Variants in IDH1 observed in about 807,000 individuals in gnomAD.
IDH1 encodes isocitrate dehydrogenase (NADP(+)) 1.
Under a neutral mutation model 46.1 loss-of-function variants are expected in IDH1, and 33 were observed. The observed-to-expected ratio is 0.72, with a 90% confidence interval of 0.54 to 0.96. The LOEUF (loss-of-function observed/expected upper bound fraction) is 0.96, where lower values mean the gene tolerates loss of function less well. Ranked by LOEUF, IDH1 falls within the 40% of genes least tolerant of loss-of-function variation. The probability of loss-of-function intolerance (pLI) is 0.00; values close to 1 mark genes in which losing one functional copy is unlikely to be tolerated. For missense variants in IDH1, 421 were observed against 515.7 expected (o/e 0.82, Z 1.78); for synonymous variants, 144 against 172.8 (o/e 0.83, Z 1.31).
rs1292727156 is a variant in IDH1 at position 208,245,309 on chromosome 2, T to G, written c.520+10A>C. 3.7e-6 allele frequency: 5 copies of G among 1,357,444 alleles called. No individual in the cohort carries two copies. Among genetic ancestry groups the G allele is most frequent in the Non-Finnish European group, 5.3e-6 (5 of 947,472 alleles). The allele number at this position is 1,357,444 out of a possible 1,614,324, so 84.1% of individuals were successfully genotyped here. ...AAAAAAAAAGAAGCTTATGCTACAGTCATACATACCTTCAAAGTTATGTAC... is the reference window on the plus strand; with the variant it reads ...AAAAAAAAAGAAGCTTATGCTACAGGCATACATACCTTCAAAGTTATGTAC... On this transcript the variant is annotated intron_variant, in intron 5 of 9. Coordinates refer to ENST00000345146, the MANE Select transcript of IDH1 (RefSeq NM_005896.4).
chr2:208,250,560 T>A (rs2124866736), intron 3 of IDH1, among the ~76,000 whole-genome samples: 1 of 152,352 alleles, frequency 6.6e-6, no homozygotes, highest in African/African-American at 2.4e-5. Context: ...TGAAACGTGT[T>A]GCTCAATATT....
At chr2:208,237,374 T>C (rs573083781) in intron 9 of IDH1, among the ~76,000 whole-genome samples, 1 of 91,334 alleles carries the variant, frequency 1.1e-5, no homozygotes, top group Non-Finnish European at 2.2e-5. Context: ...TCAGGCTCTC[T>C]AGGCAACCGG....
At chr2:208,239,764 G>T in intron 8 of IDH1, 99 bp downstream of exon 8, 1 of 1,118,244 alleles carries the variant, frequency 8.9e-7, no homozygotes, top group Non-Finnish European at 1.4e-6. Flanking sequence ...GCTACTTGGT[G>T]ATGACTTTGC....
chr2:208,239,509 T>C (rs886079389), intron 8 of IDH1, among the ~76,000 whole-genome samples: 1 of 152,228 alleles, frequency 6.6e-6, no homozygotes, highest in African/African-American at 2.4e-5. Context: ...CTTGTCTATA[T>C]TGGTCTCCTT....
chr2:208,242,938 G>A (rs747115787), intron 6 of IDH1, among the ~76,000 whole-genome samples: 19 of 151,736 alleles, frequency 1.3e-4, no homozygotes, highest in Non-Finnish European at 2.4e-4. Flanking sequence ...CTAATTTTTG[G>A]TATTTTTAGT....
chr2:208,252,670 A>C (rs1330315823), intron 2 of IDH1, among the ~76,000 whole-genome samples: 1 of 152,250 alleles, frequency 6.6e-6, no homozygotes, highest in East Asian at 1.9e-4. Flanking sequence ...TTAGATAAGA[A>C]GCCTAAAATA....
At chr2:208,247,850 G>T in intron 4 of IDH1, 2 of 165,410 alleles carry the variant, frequency 1.2e-5, no homozygotes, top group East Asian at 1.8e-4. Context: ...ACAATCTTTG[G>T]TGGTTCTCAA....
intron 4 of IDH1, chr2:208,247,435 G>GTTT: frequency 6.7e-6 from 1 of 149,698 alleles, no homozygotes; most frequent in Non-Finnish European, 1.5e-5. Context: ...TACCGAGTCA[G>GTTT]TTTTTTTTTT....
At position 208,236,970 on chromosome 2, in the gene IDH1, CA is replaced by C; in HGVS notation, c.*108del. On this transcript the variant is annotated 3_prime_UTR_variant, in exon 10 of 10. Transcript: ENST00000345146. Reference sequence around the variant, plus strand: ...GAAAAGATAAACTCTGGCTTCTAAACAAATTACAAAATTGATTTTGCCTTTA... The same window carrying C: ...GAAAAGATAAACTCTGGCTTCTAAACAATTACAAAATTGATTTTGCCTTTA... 1.5e-6 allele frequency: 1 copy of C among 686,882 alleles called. No individual in the cohort carries two copies. Among genetic ancestry groups the C allele is most frequent in the South Asian group, 1.7e-5 (1 of 60,218 alleles). The allele number at this position is 686,882 out of a possible 1,614,324, so 42.5% of individuals were successfully genotyped here.
At chr2:208,254,439 T>C (rs902641032) in intron 1 of IDH1, 6 of 151,922 alleles carry the variant, frequency 3.9e-5, no homozygotes, top group African/African-American at 7.3e-5. Flanking sequence ...CCGCTGGAGC[T>C]CCGCCCCTCC....
intron 6 of IDH1, 127 bp downstream of exon 6, chr2:208,243,300 C>A: frequency 1.3e-5 from 10 of 761,702 alleles, no homozygotes; most frequent in African/African-American, 1.8e-5. Flanking sequence ...TTGCCCTTAT[C>A]TTTAAGAGAC....
chr2:208,253,606 G>GA (rs1308788440), intron 2 of IDH1, among the ~76,000 whole-genome samples: 8 of 151,604 alleles, frequency 5.3e-5, no homozygotes, highest in Non-Finnish European at 1.0e-4. Flanking sequence ...GTAGTTTAAT[G>GA]AAAAAAAAGA....
chr2:208,246,802 G>C (rs1688031118), intron 4 of IDH1, among the ~76,000 whole-genome samples: 1 of 152,054 alleles, frequency 6.6e-6, no homozygotes, highest in Admixed American at 6.5e-5. Context: ...AATTAGCCGG[G>C]CATGGTAGCA....
intron 7 of IDH1, among the ~76,000 whole-genome samples, chr2:208,240,809 C>T (rs1305902287): frequency 1.3e-5 from 2 of 152,176 alleles, no homozygotes; most frequent in Non-Finnish European, 2.9e-5. Context: ...ACACTCCTTC[C>T]TCTGTTGCAT....
At chr2:208,239,302 G>T in intron 8 of IDH1, 69 bp from the exon 9 acceptor site, 1 of 1,519,100 alleles carries the variant, frequency 6.6e-7, no homozygotes, top group Non-Finnish European at 9.1e-7. Flanking sequence ...ATGTCTCATA[G>T]TTCCCCAAAA....
rs778615461 is a variant in IDH1 at position 208,237,128 on chromosome 2, T to C, written c.1196A>G (p.Asp399Gly). 5.0e-6 allele frequency: 8 copies of C among 1,610,984 alleles called. No individual in the cohort carries two copies. In the South Asian group the frequency reaches 5.5e-5, roughly 11 times the overall value. Residue 399 changes from aspartate (D) to glycine (G), a missense_variant, in exon 10 of 10, where the codon GAT becomes GGT. By Grantham distance (94) the Asp-to-Gly change is moderately conservative. Transcript: ENST00000345146. ...SDYLNTFEFM[D>G]KLGENLKIKL... Reference sequence around the variant, plus strand: ...GATCTTCAAGTTTTCTCCAAGTTTATCCATGAACTCAAATGTATTCAAGTA... The same window carrying C: ...GATCTTCAAGTTTTCTCCAAGTTTACCCATGAACTCAAATGTATTCAAGTA...
Position 208,241,977 on chromosome 2 carries a change from A to C in IDH1, c.850+17T>G. The C allele has an allele frequency of 6.2e-7, 1 of 1,611,762 alleles. No individual in the cohort carries two copies. The highest frequency in any genetic ancestry group is 2.2e-5 in the East Asian group (1 of 44,878). The stretch of plus-strand genomic sequence containing the variant: ...TGGAATGACCCTGTTCCTACAGGCC[A>C]GGCTCCACCTCTGTACCTTGGGCCA... On this transcript the variant is annotated intron_variant, in intron 7 of 9. Coordinates refer to ENST00000345146, the MANE Select transcript of IDH1 (RefSeq NM_005896.4).
At chr2:208,239,307 C>T in intron 8 of IDH1, 74 bp from the exon 9 acceptor site, 1 of 1,493,904 alleles carries the variant, frequency 6.7e-7, no homozygotes, top group East Asian at 2.3e-5. Flanking sequence ...TCATAGTTCC[C>T]CAAAACAGAA....
chr2:208,245,997 G>A (rs1688015169), intron 4 of IDH1, among the ~76,000 whole-genome samples: 1 of 152,166 alleles, frequency 6.6e-6, no homozygotes, highest in Non-Finnish European at 1.5e-5. Flanking sequence ...AGGGAACTAT[G>A]ATATAGTAGA....
Sources: gnomAD v4.1 joint callset for allele counts (sites outside exome capture counted in the v4.1 genomes callset) on GRCh38, gnomAD v4.1.1 for gene constraint, MANE v1.5 for transcripts, NCBI Gene and HGNC (gene_info 2026-07-23, HGNC 2026-07-21) for gene names.